Variants in MAST4 observed in about 807,000 individuals in gnomAD.
The protein encoded by MAST4 is microtubule associated serine/threonine kinase family member 4.
A neutral mutation model predicts 162.7 loss-of-function variants in MAST4; 89 were observed. That is an observed-to-expected ratio of 0.55 (90% CI 0.46 to 0.65). The LOEUF is 0.65. Ranked by LOEUF, MAST4 falls within the 30% of genes least tolerant of loss-of-function variation. MAST4 has a pLI of 0.00. For synonymous variants in MAST4, 1,479 were observed against 1,361.1 expected, an observed-to-expected ratio of 1.09 and a Z score of -1.91; for missense variants, 3,153 against 3,374.0, an observed-to-expected ratio of 0.93 and a Z score of 1.62.
chr5:67,008,781 C>T (rs1332718906), intron 4 of MAST4, among the ~76,000 whole-genome samples: 1 of 152,150 alleles, frequency 6.6e-6, no homozygotes, highest in African/African-American at 2.4e-5. Flanking sequence ...TTGCAGAATT[C>T]ACATTACTCA....
At chr5:66,912,602 T>C (rs901182894) in intron 4 of MAST4, among the ~76,000 whole-genome samples, 7 of 152,214 alleles carry the variant, frequency 4.6e-5, no homozygotes, top group Non-Finnish European at 1.0e-4. Context: ...TCTAAGGTAC[T>C]ACCAATATGT....
At chr5:66,941,144 A>G (rs986550964) in intron 4 of MAST4, among the ~76,000 whole-genome samples, 7 of 152,092 alleles carry the variant, frequency 4.6e-5, no homozygotes, top group Admixed American at 1.3e-4. Flanking sequence ...CAGATTTACC[A>G]TAATTTTGAA....
intron 1 of MAST4, among the ~76,000 whole-genome samples, chr5:66,759,036 G>A (rs1489350165): frequency 6.6e-6 from 1 of 152,184 alleles, no homozygotes; most frequent in Non-Finnish European, 1.5e-5. Context: ...TGACACAAGG[G>A]ATTCTTTTGT....
At chr5:66,612,681 C>T (rs1046287327) in intron 1 of MAST4, among the ~76,000 whole-genome samples, 3 of 152,132 alleles carry the variant, frequency 2.0e-5, no homozygotes, top group Non-Finnish European at 4.4e-5. Context: ...CTGAAAGTGC[C>T]TACGGGGAGG....
chr5:67,103,909 T>C (rs1455796717), intron 9 of MAST4, among the ~76,000 whole-genome samples: 1 of 152,216 alleles, frequency 6.6e-6, no homozygotes, highest in African/African-American at 2.4e-5. Context: ...TGAAGAAGCT[T>C]ACAGAGACCA....
intron 3 of MAST4, chr5:66,789,609 G>A (rs1009764791): frequency 1.3e-5 from 5 of 396,824 alleles, no homozygotes; most frequent in African/African-American, 6.2e-5. Flanking sequence ...GCAAGAATAC[G>A]ACACTGGTGA....
intron 4 of MAST4, among the ~76,000 whole-genome samples, chr5:67,045,905 G>A (rs1007122995): frequency 1.3e-5 from 2 of 152,172 alleles, no homozygotes; most frequent in African/African-American, 4.8e-5. Flanking sequence ...GAAACAAAAT[G>A]CCTTTAAACG....
chr5:67,121,071 A>G lies in MAST4; in HGVS notation c.1714A>G (p.Thr572Ala). The part of the protein sequence containing the change: ...RRKPRESDFE[T>A]IKLISNGAYG... ...GAAACCTCGGGAAAGTGATTTTGAA[A>G]CGATTAAATTGATTAGCAATGGAGC... The change falls in exon 14 of 29, where the codon ACG becomes GCG. Residue 572 changes from threonine (T) to alanine (A), a missense_variant. Coordinates refer to ENST00000403625, the MANE Select transcript of MAST4 (RefSeq NM_001164664.2). 6.2e-7 allele frequency: 1 copy of G among 1,610,482 alleles called. No individual in the cohort carries two copies.
chr5:66,615,387 G>A lies in MAST4; in HGVS notation c.363+18369G>A, dbSNP rs148553158. ...CAAGTACAGATATGCTGATTTTACC[G>A]GCCTGTGGGTGACCATGAGGATTTT... On this transcript the variant is annotated intron_variant, in intron 1 of 28. Transcript: ENST00000403625. Among the ~76,000 whole-genome samples the A allele has an allele frequency of 4.7e-3, 722 of 152,234 alleles. 6 individuals are homozygous for A. Among genetic ancestry groups the A allele is most frequent in the African/African-American group, 0.016 (672 of 41,522 alleles).
intron 3 of MAST4, among the ~76,000 whole-genome samples, chr5:66,864,957 A>G (rs1760395425): frequency 6.8e-6 from 1 of 147,610 alleles, no homozygotes; most frequent in Non-Finnish European, 1.5e-5. Flanking sequence ...TATATTATGA[A>G]GTTAAAACCG....
intron 4 of MAST4, among the ~76,000 whole-genome samples, chr5:66,938,136 T>G (rs563904134): frequency 6.6e-5 from 10 of 152,142 alleles, no homozygotes; most frequent in Non-Finnish European, 1.3e-4. Flanking sequence ...TTTTCAATAC[T>G]TTTACCTCTT....
intron 3 of MAST4, among the ~76,000 whole-genome samples, chr5:66,871,350 G>A (rs937459622): frequency 4.6e-5 from 7 of 152,122 alleles, no homozygotes; most frequent in African/African-American, 1.7e-4. Context: ...TTAATTCACA[G>A]TAATGGCTAT....
At chr5:66,684,457 CAGT>C (rs1190555143) in intron 1 of MAST4, among the ~76,000 whole-genome samples, 2 of 152,028 alleles carry the variant, frequency 1.3e-5, no homozygotes, top group Admixed American at 6.6e-5. Context: ...TTTGAAGCGA[CAGT>C]AGGTTCAATT....
chr5:67,112,428 A>G (rs909362937), intron 11 of MAST4, among the ~76,000 whole-genome samples: 1 of 152,138 alleles, frequency 6.6e-6, no homozygotes, highest in Admixed American at 6.5e-5. Flanking sequence ...CCACAGGTTG[A>G]GGGGTCAATT....
chr5:67,001,457 A>T (rs886796158), intron 4 of MAST4: 7 of 141,150 alleles, frequency 5.0e-5, no homozygotes, highest in African/African-American at 1.9e-4. Flanking sequence ...TGCAAAAAAA[A>T]AAAATAAATT....
chr5:66,942,455 AT>A (rs1180406778), intron 4 of MAST4, among the ~76,000 whole-genome samples: 2 of 152,134 alleles, frequency 1.3e-5, no homozygotes, highest in African/African-American at 4.8e-5. Flanking sequence ...TCTTGGATTG[AT>A]TATGTCAGGT....
At chr5:66,623,834 A>T (rs1744232284) in intron 1 of MAST4, among the ~76,000 whole-genome samples, 1 of 152,236 alleles carries the variant, frequency 6.6e-6, no homozygotes, top group Non-Finnish European at 1.5e-5. Context: ...ATCTGTTTGC[A>T]GGTGTCATGA....
intron 4 of MAST4, among the ~76,000 whole-genome samples, chr5:66,990,266 G>A (rs1339847535): frequency 6.6e-6 from 1 of 152,104 alleles, no homozygotes; most frequent in East Asian, 1.9e-4. Context: ...CCATTTTACA[G>A]AATAGGAAAC....
chr5:66,686,210 G>A (rs1748645504), intron 1 of MAST4, among the ~76,000 whole-genome samples: 1 of 151,998 alleles, frequency 6.6e-6, no homozygotes, highest in African/African-American at 2.4e-5. Context: ...TTTCTTTATC[G>A]GTAAATGAGG....
Sources: allele counts gnomAD v4.1 joint callset (sites outside exome capture counted in the v4.1 genomes callset), GRCh38; gene constraint gnomAD v4.1.1; transcripts MANE v1.5; gene names NCBI Gene and HGNC (gene_info 2026-07-23, HGNC 2026-07-21).